Variants in RBFOX1 observed in about 807,000 individuals in gnomAD.
The protein encoded by RBFOX1 is RNA binding protein fox-1 homolog 1.
A neutral mutation model predicts 57.7 loss-of-function variants in RBFOX1; 8 were observed. The observed-to-expected ratio is 0.14, with a 90% CI of 0.08 to 0.25. The LOEUF (loss-of-function observed/expected upper bound fraction) is 0.25. RBFOX1 is among the 10% of genes least tolerant of loss of function. The pLI is 1.00. For missense variants in RBFOX1, 611 were observed against 548.5 expected, an observed-to-expected ratio of 1.11 and a Z score of -1.14; for synonymous variants, 326 against 222.4, an observed-to-expected ratio of 1.47 and a Z score of -4.15.
intron 1 of RBFOX1, among the ~76,000 whole-genome samples, chr16:6,093,397 G>C (rs546566160): frequency 6.6e-6 from 1 of 151,898 alleles, no homozygotes; most frequent in Admixed American, 6.6e-5. Context: ...ATAGTGAGAC[G>C]CCATCTCTTA....
chr16:5,506,997 C>T (rs1360784790), intron 2 of RBFOX1, among the ~76,000 whole-genome samples: 1 of 152,142 alleles, frequency 6.6e-6, no homozygotes, highest in Non-Finnish European at 1.5e-5. Flanking sequence ...CTATTCTGTT[C>T]TCTACCTTTT....
At chr16:6,450,481 C>G (rs1389986132) in intron 2 of RBFOX1, among the ~76,000 whole-genome samples, 1 of 151,454 alleles carries the variant, frequency 6.6e-6, no homozygotes, top group Non-Finnish European at 1.5e-5. Flanking sequence ...CATAAGATTT[C>G]CTTCCATGCC....
rs141343486 is a variant in RBFOX1 at position 7,451,996 on chromosome 16, A to C, written c.28-66151A>C. Among the ~76,000 whole-genome samples, 257 of 152,348 alleles carry C rather than the reference A, an allele frequency of 1.7e-3. 1 individual carries two copies. Among genetic ancestry groups the C allele is most frequent in the African/African-American group, 5.7e-3 (239 of 41,588 alleles). ...AGGAACAGAGAGAGACAAAGAGACT[A>C]GTACGACCAAAGAGAAAGATTCTTA... is the stretch of plus-strand genomic sequence containing the variant. On this transcript the variant is annotated intron_variant, in intron 4 of 15. Coordinates refer to ENST00000550418, the MANE Select transcript of RBFOX1 (RefSeq NM_018723.4).
intron 4 of RBFOX1, 96 bp from the exon 5 acceptor site, chr16:7,518,051 C>T (rs947015269): frequency 4.1e-6 from 6 of 1,459,004 alleles, no homozygotes; most frequent in East Asian, 4.6e-5. Context: ...CTAGAAAGTA[C>T]GCGGGGCACG....
At position 5,646,806 on chromosome 16, in the gene RBFOX1, T is replaced by C. The variant is rs558502130; in HGVS notation, c.318+47845T>C. Among the ~76,000 whole-genome samples, 8 of 152,056 alleles carry C rather than the reference T, an allele frequency of 5.3e-5. No individual in the cohort carries two copies. In the East Asian group the frequency reaches 1.6e-3, roughly 30 times the overall value. On this transcript the variant is annotated intron_variant, in intron 3 of 19. Transcript: ENST00000641259. ...CCCATCACCACGCTTGGCTAATTTT[T>C]ATATTTTTAGTAGAGACAGGGTTTC...
chr16:7,322,279 A>G (rs1033364400), intron 4 of RBFOX1, among the ~76,000 whole-genome samples: 1 of 152,238 alleles, frequency 6.6e-6, no homozygotes, highest in African/African-American at 2.4e-5. Flanking sequence ...GGGGTGCCTT[A>G]GCACCTGCCC....
At chr16:5,979,822 A>G (rs777549564) in intron 4 of RBFOX1, among the ~76,000 whole-genome samples, 3 of 152,224 alleles carry the variant, frequency 2.0e-5, no homozygotes, top group Admixed American at 1.3e-4. Context: ...AGATCGTACC[A>G]CTGCGCTCCA....
chr16:6,699,967 C>T (rs1220805342), intron 3 of RBFOX1, among the ~76,000 whole-genome samples: 1 of 152,088 alleles, frequency 6.6e-6, no homozygotes, highest in African/African-American at 2.4e-5. Context: ...CATAATTTGC[C>T]CTGGTATGTG....
chr16:5,730,961 C>T (rs536039036), intron 3 of RBFOX1, among the ~76,000 whole-genome samples: 28 of 148,676 alleles, frequency 1.9e-4, no homozygotes, highest in East Asian at 3.9e-4. Flanking sequence ...GTATCACCAC[C>T]GTCATCATCG....
intron 4 of RBFOX1, among the ~76,000 whole-genome samples, chr16:5,965,608 A>G (rs1039843677): frequency 6.6e-6 from 1 of 152,124 alleles, no homozygotes; most frequent in South Asian, 2.1e-4. Context: ...ACTGGCACCA[A>G]TGACCTCCAC....
intron 5 of RBFOX1, among the ~76,000 whole-genome samples, chr16:7,574,180 G>T (rs1409939593): frequency 2.0e-5 from 3 of 152,174 alleles, no homozygotes; most frequent in East Asian, 1.9e-4. Context: ...CTGATGAAAG[G>T]CTTTCCAGCC....
intron 4 of RBFOX1, among the ~76,000 whole-genome samples, chr16:6,009,293 T>C (rs1265773309): frequency 6.6e-6 from 1 of 152,190 alleles, no homozygotes; most frequent in Non-Finnish European, 1.5e-5. Context: ...CAACTCATTT[T>C]CACGTGGTTG....
intron 3 of RBFOX1, among the ~76,000 whole-genome samples, chr16:5,797,605 C>G (rs1461994415): frequency 6.6e-6 from 1 of 152,170 alleles, no homozygotes; most frequent in African/African-American, 2.4e-5. Flanking sequence ...ATCCTACATC[C>G]AGTTAAGTGT....
At chr16:6,543,099 A>T (rs1322063167) in intron 2 of RBFOX1, among the ~76,000 whole-genome samples, 3 of 152,180 alleles carry the variant, frequency 2.0e-5, no homozygotes. Flanking sequence ...AAATGGAAAT[A>T]AGCTCCGTGT....
chr16:7,097,131 G>A (rs1344623675), intron 4 of RBFOX1, among the ~76,000 whole-genome samples: 6 of 152,098 alleles, frequency 3.9e-5, no homozygotes, highest in East Asian at 3.9e-4. Flanking sequence ...ATGCAACCGC[G>A]AGAGAGGTAT....
intron 4 of RBFOX1, among the ~76,000 whole-genome samples, chr16:7,169,921 A>T (rs946807915): frequency 6.6e-6 from 1 of 152,040 alleles, no homozygotes; most frequent in African/African-American, 2.4e-5. Flanking sequence ...AAAAATAAAA[A>T]AAATAGCTGG....
chr16:6,835,037 C>G (rs753773615), intron 3 of RBFOX1, among the ~76,000 whole-genome samples: 4 of 151,852 alleles, frequency 2.6e-5, no homozygotes, highest in Non-Finnish European at 4.4e-5. Context: ...GGACTGTAGG[C>G]GCCCAACACC....
chr16:6,615,955 G>C (rs938108648), intron 2 of RBFOX1, among the ~76,000 whole-genome samples: 1 of 152,094 alleles, frequency 6.6e-6, no homozygotes, highest in African/African-American at 2.4e-5. Context: ...CAGTGGTACC[G>C]GTCCCTTGAC....
intron 3 of RBFOX1, among the ~76,000 whole-genome samples, chr16:6,985,694 C>T (rs1285487725): frequency 1.3e-5 from 2 of 151,984 alleles, no homozygotes; most frequent in Non-Finnish European, 2.9e-5. Context: ...ATTAGCCAGG[C>T]ATGGTGTCAG....
Sources: gnomAD v4.1 joint callset for allele counts (sites outside exome capture counted in the v4.1 genomes callset) on GRCh38, gnomAD v4.1.1 for gene constraint, MANE v1.5 for transcripts, NCBI Gene and HGNC (gene_info 2026-07-23, HGNC 2026-07-21) for gene names.